The following CD96 variants were observed in gnomAD, a reference collection of about 807,000 sequenced individuals.
CD96 encodes CD96 molecule.
Under a neutral mutation model 71.3 loss-of-function variants are expected in CD96, and 70 were observed. The observed-to-expected ratio is 0.98, with a 90% CI of 0.81 to 1.20. CD96 has a LOEUF of 1.20. CD96 is among the 50% of genes most tolerant of loss of function. The pLI is 0.00. For synonymous variants in CD96, 248 were observed against 233.0 expected (o/e 1.06, Z -0.59); for missense variants, 742 against 677.5 (o/e 1.10, Z -1.06).
At chr3:111,657,166 T>C (rs1357213152), downstream of CD96, among the ~76,000 whole-genome samples, 1 of 152,218 alleles carries the variant, frequency 6.6e-6, no homozygotes, top group South Asian at 2.1e-4. Context: ...ACACCTGTAA[T>C]CCCAGCATTT....
At chr3:111,647,498 C>T in intron 12 of CD96, 45 bp from the exon 13 acceptor site, 1 of 1,597,200 alleles carries the variant, frequency 6.3e-7, no homozygotes, top group South Asian at 1.1e-5. Flanking sequence ...TTTCCAAATG[C>T]CAAAGTTTGG....
At chr3:111,640,362 T>C (rs1185916713) in intron 12 of CD96, among the ~76,000 whole-genome samples, 1 of 152,142 alleles carries the variant, frequency 6.6e-6, no homozygotes, top group Non-Finnish European at 1.5e-5. Flanking sequence ...GTCTCAGTGA[T>C]AGAATTGAAC....
intron 8 of CD96, among the ~76,000 whole-genome samples, chr3:111,623,252 G>A (rs1353770523): frequency 6.6e-6 from 1 of 152,028 alleles, no homozygotes; most frequent in African/African-American, 2.4e-5. Context: ...TTCATTTTGG[G>A]GGAGTGAGGG....
chr3:111,544,932 A>T, intron 1 of CD96, 114 bp from the exon 2 acceptor site: 1 of 838,218 alleles, frequency 1.2e-6, no homozygotes, highest in Non-Finnish European at 2.1e-6. Flanking sequence ...TAAAGCAGCC[A>T]GGGAGAAATT....
chr3:111,562,898 T>G (rs1326550489), intron 2 of CD96, among the ~76,000 whole-genome samples: 5 of 152,234 alleles, frequency 3.3e-5, no homozygotes, highest in African/African-American at 4.8e-5. Flanking sequence ...ACTGTCTTTG[T>G]TTTGTGCTGC....
intron 8 of CD96, among the ~76,000 whole-genome samples, chr3:111,621,462 A>G (rs192421773): frequency 3.0e-4 from 45 of 152,282 alleles, no homozygotes; most frequent in Admixed American, 5.2e-4. Context: ...TAATTTATTT[A>G]TTTTCTTCTA....
At chr3:111,585,474 T>C (rs569155022) in intron 5 of CD96, 96 bp downstream of exon 5, 2 of 803,740 alleles carry the variant, frequency 2.5e-6, no homozygotes, top group Non-Finnish European at 4.4e-6. Flanking sequence ...AGAACTTTAC[T>C]CCTTGGCCCT....
intron 5 of CD96, chr3:111,594,437 G>A (rs1937159552): frequency 2.1e-6 from 1 of 470,096 alleles, no homozygotes. Flanking sequence ...TTCCTTCCAT[G>A]CCCCAGATAC....
chr3:111,543,742 C>T (rs1271813160), intron 1 of CD96, among the ~76,000 whole-genome samples: 1 of 151,646 alleles, frequency 6.6e-6, no homozygotes, highest in Non-Finnish European at 1.5e-5. Flanking sequence ...TTGCCTGCCC[C>T]CAGACCCCCA....
rs1262499159 is a variant in CD96 at position 111,600,732 on chromosome 3, A to AT, written c.906dup (p.Ile303TyrfsTer3). The AT allele has an allele frequency of 6.2e-7, 1 of 1,608,362 alleles. No homozygotes were observed. Among genetic ancestry groups the AT allele is most frequent in the Non-Finnish European group, 8.5e-7 (1 of 1,174,892 alleles). On this transcript the variant is annotated frameshift_variant, in exon 7 of 14. Coordinates refer to ENST00000352690, the MANE Select transcript of CD96 (RefSeq NM_005816.5). LOFTEE classifies it high-confidence loss of function. ...GTTCGTATCTGTCTGGCAGGAATATATATTACTAATGAAGAGAGAAAAGGC... is the reference window on the plus strand; with the variant it reads ...GTTCGTATCTGTCTGGCAGGAATATATTATTACTAATGAAGAGAGAAAAGGC...
chr3:111,614,594 G>T (rs1445904141), intron 8 of CD96, among the ~76,000 whole-genome samples: 1 of 152,088 alleles, frequency 6.6e-6, no homozygotes, highest in African/African-American at 2.4e-5. Context: ...GGGCTTCTTT[G>T]TTCCTCTAGG....
At chr3:111,577,560 T>A in intron 3 of CD96, 1 of 1,561,714 alleles carries the variant, frequency 6.4e-7, no homozygotes, top group Non-Finnish European at 8.8e-7. Context: ...GTATGTAAAT[T>A]GCTGCAGGAA....
intron 8 of CD96, among the ~76,000 whole-genome samples, chr3:111,611,562 G>A (rs1262349392): frequency 3.3e-5 from 5 of 152,204 alleles, no homozygotes; most frequent in Non-Finnish European, 7.3e-5. Flanking sequence ...GTCATGCCAT[G>A]CCTGTATTCA....
chr3:111,653,654 G>A (rs939648674), downstream of CD96, among the ~76,000 whole-genome samples: 1 of 152,238 alleles, frequency 6.6e-6, no homozygotes, highest in East Asian at 1.9e-4. Flanking sequence ...TAAAACCAAC[G>A]TGATGACCCA....
intron 4 of CD96, among the ~76,000 whole-genome samples, chr3:111,579,652 A>G (rs1936380718): frequency 6.6e-6 from 1 of 152,136 alleles, no homozygotes; most frequent in African/African-American, 2.4e-5. Flanking sequence ...TCACATGGCG[A>G]GGGGACAGAG....
In CD96 at chr3:111,650,406, G is replaced by A. The variant is rs192030304; in HGVS notation, c.*600G>A. The A allele has an allele frequency of 6.2e-6, 1 of 160,318 alleles. No individual in the cohort carries two copies. The highest frequency in any genetic ancestry group is 5.8e-5 in the Admixed American group (1 of 17,242). 9.9% of individuals were successfully genotyped at this position (160,318 alleles called of 1,614,324 possible). On this transcript the variant is annotated 3_prime_UTR_variant, in exon 14 of 14. Transcript: ENST00000352690. ...CTTCACTGTCTTCCTACCATGTTCA[G>A]CCCAGACTCCTGCCACATGGACCAG...
At chr3:111,656,119 TTATCAA>T (rs1940221246), downstream of CD96, among the ~76,000 whole-genome samples, 1 of 152,020 alleles carries the variant, frequency 6.6e-6, no homozygotes, top group South Asian at 2.1e-4. Flanking sequence ...ATACATACCT[TTATCAA>T]TATACTTAGT....
At chr3:111,660,414 C>A (rs1455154112) in intron 14 of CD96, among the ~76,000 whole-genome samples, 1 of 152,028 alleles carries the variant, frequency 6.6e-6, no homozygotes, top group Non-Finnish European at 1.5e-5. Context: ...TTGGAATAAT[C>A]AATATTTTTT....
chr3:111,601,704 G>A (rs1462104742), intron 7 of CD96, among the ~76,000 whole-genome samples: 1 of 152,112 alleles, frequency 6.6e-6, no homozygotes, highest in African/African-American at 2.4e-5. Context: ...TAGGAGCATT[G>A]ACCTCTTAAA....
Sources: allele counts gnomAD v4.1 joint callset (sites outside exome capture counted in the v4.1 genomes callset), GRCh38; gene constraint gnomAD v4.1.1; transcripts MANE v1.5; gene names NCBI Gene and HGNC (gene_info 2026-07-23, HGNC 2026-07-21).